The following ROBO2 variants were observed in gnomAD, a reference collection of about 807,000 sequenced individuals.
ROBO2 encodes the protein roundabout homolog 2.
ROBO2 carries 53 observed loss-of-function variants against 160.8 expected under a neutral mutation model. The observed-to-expected ratio is 0.33, with a 90% confidence interval of 0.26 to 0.41. The LOEUF is 0.41. Ranked by LOEUF, ROBO2 falls within the 10% of genes least tolerant of loss-of-function variation. The pLI, the probability that ROBO2 is intolerant of heterozygous loss-of-function variation, is 1.00. For synonymous variants in ROBO2, 664 were observed against 611.7 expected (o/e 1.09, Z -1.26); for missense variants, 1,577 against 1,722.4 (o/e 0.92, Z 1.49).
At chr3:76,339,469 C>T (rs2074086805) in intron 2 of ROBO2, among the ~76,000 whole-genome samples, 1 of 152,062 alleles carries the variant, frequency 6.6e-6, no homozygotes, top group Admixed American at 6.6e-5. Flanking sequence ...CTGTTTTGGA[C>T]AGTGGCATAT....
chr3:77,507,302 G>A (rs1016351565), intron 5 of ROBO2, among the ~76,000 whole-genome samples: 1 of 152,150 alleles, frequency 6.6e-6, no homozygotes, highest in Non-Finnish European at 1.5e-5. Context: ...ACATCCCTCT[G>A]ATAATGTAGT....
At chr3:77,478,906 T>C (rs1348002082) in intron 3 of ROBO2, among the ~76,000 whole-genome samples, 4 of 152,192 alleles carry the variant, frequency 2.6e-5, no homozygotes, top group African/African-American at 9.6e-5. Flanking sequence ...GGTTTAAGTC[T>C]TTTAGTCTGC....
At chr3:76,416,753 C>T (rs1334289768) in intron 2 of ROBO2, among the ~76,000 whole-genome samples, 1 of 152,156 alleles carries the variant, frequency 6.6e-6, no homozygotes, top group Non-Finnish European at 1.5e-5. Context: ...CCTGAAGATG[C>T]TGCTAATATC....
intron 2 of ROBO2, among the ~76,000 whole-genome samples, chr3:77,445,890 T>C (rs1417051707): frequency 1.3e-5 from 2 of 151,382 alleles, no homozygotes; most frequent in Non-Finnish European, 2.9e-5. Context: ...TCTAGTATAC[T>C]GTACAGGTGA....
chr3:77,530,307 A>C (rs2153634134), intron 6 of ROBO2, among the ~76,000 whole-genome samples: 1 of 152,162 alleles, frequency 6.6e-6, no homozygotes, highest in African/African-American at 2.4e-5. Flanking sequence ...TGGAATACTT[A>C]GAGATTCAGA....
chr3:77,537,108 G>GGT (rs1553650268), intron 6 of ROBO2, among the ~76,000 whole-genome samples: 5 of 140,846 alleles, frequency 3.5e-5, no homozygotes, highest in East Asian at 2.3e-4. Flanking sequence ...GTGGGGGGGG[G>GGT]GTGTATTACA....
chr3:76,480,490 C>G (rs2079151773), intron 2 of ROBO2, among the ~76,000 whole-genome samples: 1 of 152,070 alleles, frequency 6.6e-6, no homozygotes, highest in Non-Finnish European at 1.5e-5. Context: ...TGGGGTTGCT[C>G]TAACAAGAAT....
intron 2 of ROBO2, among the ~76,000 whole-genome samples, chr3:76,781,208 T>G (rs966101568): frequency 6.6e-6 from 1 of 150,806 alleles, no homozygotes; most frequent in Admixed American, 6.6e-5. Flanking sequence ...TATTTGTTTT[T>G]TAGACAGTTT....
intron 2 of ROBO2, among the ~76,000 whole-genome samples, chr3:76,948,462 T>A (rs1377288729): frequency 2.0e-5 from 3 of 151,922 alleles, no homozygotes; most frequent in Non-Finnish European, 4.4e-5. Flanking sequence ...TATCACTCAT[T>A]GTCTTTCTGT....
rs374238995 is a variant in ROBO2 at position 76,751,796 on chromosome 3, G to T, written c.110-346218G>T. ...TCATTAAAAAGTCAGGAAACAACAG[G>T]TGCTGGAGAGGATGTGGAGAAATAG... On this transcript the variant is annotated intron_variant, in intron 2 of 26. Coordinates refer to the ROBO2 transcript ENST00000487694. Among the ~76,000 whole-genome samples, 898 of 152,158 alleles carry T rather than the reference G, an allele frequency of 5.9e-3. 5 individuals carry two copies. Among genetic ancestry groups the T allele is most frequent in the Middle Eastern group, 0.024 (7 of 294 alleles).
chr3:76,319,044 G>T (rs985949669), intron 2 of ROBO2, among the ~76,000 whole-genome samples: 1 of 151,998 alleles, frequency 6.6e-6, no homozygotes, highest in African/African-American at 2.4e-5. Context: ...AAAAAGGAAA[G>T]AAAATAAACA....
chr3:76,820,359 A>G (rs994734465), intron 2 of ROBO2, among the ~76,000 whole-genome samples: 2 of 151,996 alleles, frequency 1.3e-5, no homozygotes, highest in Admixed American at 1.3e-4. Context: ...CAATATGAAA[A>G]ATTTTTTTTT....
At chr3:77,320,186 A>G (rs1033446306) in intron 2 of ROBO2, among the ~76,000 whole-genome samples, 2 of 152,052 alleles carry the variant, frequency 1.3e-5, no homozygotes, top group African/African-American at 4.8e-5. Context: ...TCTTTCTCTT[A>G]CCCTCTACCC....
intron 2 of ROBO2, among the ~76,000 whole-genome samples, chr3:77,358,528 A>G (rs972435168): frequency 3.3e-5 from 5 of 152,350 alleles, no homozygotes; most frequent in South Asian, 2.1e-4. Context: ...GAAAAACACA[A>G]TAAGGCAATC....
At chr3:77,301,072 T>A (rs11127585) in intron 2 of ROBO2, among the ~76,000 whole-genome samples, 46,744 of 151,622 alleles carry the variant, frequency 0.31, 8,685 homozygotes, top group Middle Eastern at 0.46. Flanking sequence ...TTTCACCATG[T>A]TGGCCAGGCT....
chr3:76,466,212 T>G lies in ROBO2; in HGVS notation c.109+528610T>G, dbSNP rs974865990. Among the ~76,000 whole-genome samples, 6 of 151,884 alleles carry G rather than the reference T, an allele frequency of 4.0e-5. No homozygotes were observed. The South Asian group carries it at 1.2e-3, about 31-fold the overall frequency. ...GATATCACTCATCTTTATCTTAGCA[T>G]GGTAGAAAAATATATTCTGAATAAG... On this transcript the variant is annotated intron_variant, in intron 2 of 26. Transcript: ENST00000487694.
chr3:77,493,496 C>A, intron 5 of ROBO2, 114 bp downstream of exon 5: 2 of 1,191,550 alleles, frequency 1.7e-6, no homozygotes, highest in Non-Finnish European at 2.4e-6. Context: ...TACTTTCACT[C>A]ATGTGATTTT....
At chr3:76,897,838 A>G (rs530716362) in intron 2 of ROBO2, among the ~76,000 whole-genome samples, 3 of 152,148 alleles carry the variant, frequency 2.0e-5, no homozygotes, top group African/African-American at 7.2e-5. Context: ...GCTATATCCG[A>G]TATTGATAGC....
intron 2 of ROBO2, among the ~76,000 whole-genome samples, chr3:75,946,978 T>C (rs1948324618): frequency 6.6e-6 from 1 of 151,966 alleles, no homozygotes; most frequent in African/African-American, 2.4e-5. Context: ...AGTTGAAGGA[T>C]GATGGTGGTT....
Sources: allele counts gnomAD v4.1 joint callset (sites outside exome capture counted in the v4.1 genomes callset), GRCh38; gene constraint gnomAD v4.1.1; transcripts MANE v1.5; gene names NCBI Gene and HGNC (gene_info 2026-07-23, HGNC 2026-07-21).